The following KHDRBS2 variants were observed in gnomAD, a reference collection of about 807,000 sequenced individuals.
KHDRBS2 encodes the protein KH domain-containing, RNA-binding, signal transduction-associated protein 2.
In KHDRBS2, 26 loss-of-function variants were observed where a neutral mutation model predicts 44.3. That is an observed-to-expected ratio of 0.59 (90% CI 0.43 to 0.81). The LOEUF is 0.81. Ranked by LOEUF, KHDRBS2 falls within the 40% of genes least tolerant of loss-of-function variation. The pLI, the probability that KHDRBS2 is intolerant of heterozygous loss-of-function variation, is 0.00. For synonymous variants in KHDRBS2, 194 were observed against 151.1 expected (o/e 1.28, Z -2.08); for missense variants, 476 against 433.1 (o/e 1.10, Z -0.88).
chr6:62,259,014 G>A (rs1205302747), intron 1 of KHDRBS2, among the ~76,000 whole-genome samples: 1 of 151,978 alleles, frequency 6.6e-6, no homozygotes, highest in Non-Finnish European at 1.5e-5. Context: ...CACTTACCAA[G>A]GCACAGCCCA....
intron 2 of KHDRBS2, among the ~76,000 whole-genome samples, chr6:62,115,121 G>T (rs1805907167): frequency 6.6e-6 from 1 of 152,104 alleles, no homozygotes; most frequent in Non-Finnish European, 1.5e-5. Flanking sequence ...TATACACAAA[G>T]AAATGTAAAT....
chr6:61,650,873 T>G, the KHDRBS2 span, among the ~76,000 whole-genome samples: 6 of 152,042 alleles, frequency 3.9e-5, no homozygotes. Flanking sequence ...AAGAAAAACT[T>G]TATTAACAGG....
intron 1 of KHDRBS2, among the ~76,000 whole-genome samples, chr6:62,219,697 G>A (rs1327521578): frequency 6.6e-6 from 1 of 150,612 alleles, no homozygotes; most frequent in Non-Finnish European, 1.5e-5. Context: ...TTACATAAGA[G>A]AATGTCCTTA....
chr6:61,700,203 G>A (rs536440633), intron 7 of KHDRBS2, among the ~76,000 whole-genome samples: 6 of 151,714 alleles, frequency 4.0e-5, no homozygotes, highest in South Asian at 2.1e-4. Context: ...AGTAAGCCCC[G>A]ATCATGTTCC....
chr6:61,892,887 C>A (rs1019275835), intron 6 of KHDRBS2, among the ~76,000 whole-genome samples: 3 of 151,992 alleles, frequency 2.0e-5, no homozygotes, highest in Non-Finnish European at 2.9e-5. Flanking sequence ...GCAACAAAAG[C>A]CAAAATTGAC....
At chr6:61,963,772 G>A (rs546866640) in intron 4 of KHDRBS2, among the ~76,000 whole-genome samples, 2 of 152,098 alleles carry the variant, frequency 1.3e-5, no homozygotes, top group African/African-American at 4.8e-5. Context: ...ACATTTTGAT[G>A]TGCAATCATG....
At chr6:61,858,659 G>A (rs952318679) in intron 6 of KHDRBS2, among the ~76,000 whole-genome samples, 2 of 151,718 alleles carry the variant, frequency 1.3e-5, no homozygotes, top group African/African-American at 4.8e-5. Flanking sequence ...TTGAAATTTT[G>A]CTTAACTTTT....
rs1305468919 is a variant in KHDRBS2, at chr6:61,832,636, T to C, written c.810+61999A>G. ...TTCTACTTTAAACTGAGAAGTGTCA[T>C]GTTAGGCAACTAGCACTTTGTTTGT... On this transcript the variant is annotated intron_variant, in intron 6 of 8. Transcript: ENST00000281156. Among the ~76,000 whole-genome samples the C allele has an allele frequency of 2.0e-5, 3 of 151,922 alleles. No homozygotes were observed. The East Asian group carries it at 5.8e-4, about 29-fold the overall frequency.
At chr6:62,029,519 G>A (rs776168445) in intron 3 of KHDRBS2, among the ~76,000 whole-genome samples, 3 of 151,874 alleles carry the variant, frequency 2.0e-5, no homozygotes, top group Non-Finnish European at 4.4e-5. Context: ...AGGAAACATA[G>A]CTAGGTTTAC....
the KHDRBS2 span, among the ~76,000 whole-genome samples, chr6:61,560,644 A>C: frequency 6.6e-6 from 1 of 152,126 alleles, no homozygotes; most frequent in African/African-American, 2.4e-5. Flanking sequence ...CAGATCAAGA[A>C]ATTCTGCTTG....
intron 8 of KHDRBS2, among the ~76,000 whole-genome samples, chr6:61,686,669 C>T (rs1281591182): frequency 6.6e-6 from 1 of 151,554 alleles, no homozygotes; most frequent in African/African-American, 2.4e-5. Context: ...TAGCTGTTGA[C>T]ACTACCTTCT....
the KHDRBS2 span, among the ~76,000 whole-genome samples, chr6:61,575,367 TA>T: frequency 6.6e-6 from 1 of 152,206 alleles, no homozygotes; most frequent in Non-Finnish European, 1.5e-5. Flanking sequence ...GAAAAAATGC[TA>T]AACATCTCTA....
the KHDRBS2 span, among the ~76,000 whole-genome samples, chr6:61,613,010 T>G: frequency 1.3e-5 from 2 of 151,820 alleles, no homozygotes; most frequent in South Asian, 2.1e-4. Context: ...CCGCCACAAC[T>G]CCCGGCTAAT....
At chr6:61,652,738 A>G in the KHDRBS2 span, among the ~76,000 whole-genome samples, 1 of 152,034 alleles carries the variant, frequency 6.6e-6, no homozygotes, top group Admixed American at 6.6e-5. Flanking sequence ...AACCACCCAG[A>G]GCTGTGTCCT....
intron 5 of KHDRBS2, among the ~76,000 whole-genome samples, chr6:61,896,328 C>T (rs1464256569): frequency 2.0e-5 from 3 of 152,136 alleles, no homozygotes; most frequent in South Asian, 2.1e-4. Flanking sequence ...CACGAGCCTT[C>T]GCTATACCCT....
intron 2 of KHDRBS2, among the ~76,000 whole-genome samples, chr6:62,128,080 C>T (rs1159771262): frequency 2.0e-5 from 3 of 152,036 alleles, no homozygotes; most frequent in Non-Finnish European, 2.9e-5. Context: ...CAGTTACTTC[C>T]TTGCATCTAA....
intron 5 of KHDRBS2, among the ~76,000 whole-genome samples, 200 bp downstream of exon 5, chr6:61,901,044 C>T (rs1296969412): frequency 6.6e-6 from 1 of 152,172 alleles, no homozygotes; most frequent in Non-Finnish European, 1.5e-5. Context: ...TGCTATTTAT[C>T]TCCTAGTATG....
chr6:62,275,008 TACACAC>T lies in KHDRBS2; in HGVS notation c.91+10844_91+10849del, dbSNP rs145870587. On this transcript the variant is annotated intron_variant, in intron 1 of 8. Coordinates refer to ENST00000281156, the MANE Select transcript of KHDRBS2 (RefSeq NM_152688.4). ...ATATATACATATATCGCTCATCAAA[TACACAC>T]ACACACACACACACACACACACACA... 2.4e-3 allele frequency among the ~76,000 whole-genome samples: 348 copies of T among 142,462 alleles called. 4 individuals are homozygous for T. Among genetic ancestry groups the T allele is most frequent in the African/African-American group, 2.9e-3 (112 of 38,500 alleles). 93.5% of individuals were successfully genotyped at this position (142,462 alleles called of 152,430 possible).
At chr6:61,848,098 T>A (rs1295322630) in intron 6 of KHDRBS2, among the ~76,000 whole-genome samples, 1 of 151,942 alleles carries the variant, frequency 6.6e-6, no homozygotes, top group African/African-American at 2.4e-5. Flanking sequence ...GCAGTTCAGT[T>A]TAGTAAATAA....
Sources: gnomAD v4.1 joint callset for allele counts (sites outside exome capture counted in the v4.1 genomes callset) on GRCh38, gnomAD v4.1.1 for gene constraint, MANE v1.5 for transcripts, NCBI Gene and HGNC (gene_info 2026-07-23, HGNC 2026-07-21) for gene names.